LRPPRC: variants seen among roughly 807,000 people sequenced by gnomAD.
LRPPRC encodes leucine rich pentatricopeptide repeat containing.
In LRPPRC, 120 loss-of-function variants were observed where a neutral mutation model predicts 180.3. That is an observed-to-expected ratio of 0.67 (90% CI 0.57 to 0.77). The LOEUF is 0.77. LRPPRC is among the 30% of genes least tolerant of loss of function. LRPPRC has a pLI of 0.00. For missense variants in LRPPRC, 2,012 were observed against 1,657.2 expected (o/e 1.21, Z -3.72); for synonymous variants, 723 against 600.0 (o/e 1.21, Z -3.00).
intron 30 of LRPPRC, 88 bp downstream of exon 30, chr2:43,912,344 A>G: frequency 8.1e-7 from 1 of 1,227,478 alleles, no homozygotes; most frequent in Admixed American, 1.7e-5. Context: ...CAATTTTACT[A>G]CACAGCACAT....
chr2:43,925,804 CG>C (rs1240326141), intron 26 of LRPPRC, 88 bp downstream of exon 26: 4 of 852,346 alleles, frequency 4.7e-6, no homozygotes, highest in Non-Finnish European at 8.2e-6. Flanking sequence ...CCCTGTCTCT[CG>C]AAGTCCCCAA....
intron 27 of LRPPRC, among the ~76,000 whole-genome samples, chr2:43,923,865 G>A (rs1258955896): frequency 2.0e-5 from 3 of 152,120 alleles, no homozygotes; most frequent in African/African-American, 7.2e-5. Context: ...TAGGTAGAGT[G>A]GAATGTTAGT....
intron 1 of LRPPRC, among the ~76,000 whole-genome samples, chr2:43,983,944 A>C (rs7570636): frequency 0.2 from 31,167 of 152,100 alleles, 3,983 homozygotes; most frequent in African/African-American, 0.35. Context: ...ATAATGGAAA[A>C]AATCAAGATA....
upstream of LRPPRC, chr2:43,996,017 A>C (rs1414923483): frequency 1.3e-6 from 2 of 1,488,876 alleles, no homozygotes; most frequent in African/African-American, 2.9e-5. Context: ...ACCGCAGGGT[A>C]GCCTGGCGCG....
At chr2:43,905,385 C>T (rs1040020089) in intron 31 of LRPPRC, among the ~76,000 whole-genome samples, 16 of 152,122 alleles carry the variant, frequency 1.1e-4, no homozygotes. Flanking sequence ...CACTTGAAAG[C>T]CTGTACTTTC....
At chr2:43,918,798 T>TATATAG (rs1558938195) in intron 27 of LRPPRC, among the ~76,000 whole-genome samples, 4 of 136,388 alleles carry the variant, frequency 2.9e-5, no homozygotes, top group African/African-American at 1.3e-4. Flanking sequence ...TATAGATATA[T>TATATAG]ATATATATAT....
At chr2:43,986,346 T>G (rs1674525806) in intron 1 of LRPPRC, among the ~76,000 whole-genome samples, 1 of 152,114 alleles carries the variant, frequency 6.6e-6, no homozygotes, top group Admixed American at 6.5e-5. Context: ...GCCAGGCTGG[T>G]CTCAAACTCC....
At chr2:43,936,892 T>A (rs933081129) in intron 23 of LRPPRC, among the ~76,000 whole-genome samples, 7 of 152,220 alleles carry the variant, frequency 4.6e-5, no homozygotes, top group Non-Finnish European at 8.8e-5. Flanking sequence ...TAAAGCTTTA[T>A]ATAATCAGTA....
chr2:43,909,233 T>C (rs1017768977), intron 30 of LRPPRC, among the ~76,000 whole-genome samples: 1 of 152,242 alleles, frequency 6.6e-6, no homozygotes, highest in Non-Finnish European at 1.5e-5. Context: ...TAGTTAGATA[T>C]AACATTTTAT....
chr2:43,958,819 T>A (rs935063152), intron 13 of LRPPRC, among the ~76,000 whole-genome samples: 4 of 152,164 alleles, frequency 2.6e-5, no homozygotes, highest in African/African-American at 7.2e-5. Flanking sequence ...CCAGCAATCA[T>A]AGAACGAACC....
intron 30 of LRPPRC, among the ~76,000 whole-genome samples, chr2:43,909,029 G>A (rs1381172145): frequency 1.3e-5 from 2 of 152,180 alleles, no homozygotes; most frequent in African/African-American, 4.8e-5. Flanking sequence ...TCTGATCACT[G>A]ATACAGAATG....
chr2:43,912,261 T>G (rs1442288207), intron 30 of LRPPRC, among the ~76,000 whole-genome samples, 171 bp downstream of exon 30: 1 of 152,206 alleles, frequency 6.6e-6, no homozygotes, highest in Non-Finnish European at 1.5e-5. Flanking sequence ...TGTTTTTTTT[T>G]GAAGGTGAAA....
At chr2:43,890,738 A>G (rs1320697938) in intron 36 of LRPPRC, among the ~76,000 whole-genome samples, 1 of 152,188 alleles carries the variant, frequency 6.6e-6, no homozygotes, top group Non-Finnish European at 1.5e-5. Context: ...AGCAAAACCT[A>G]TAAGGAGACA....
chr2:43,929,671 T>A (rs192494987), intron 25 of LRPPRC, among the ~76,000 whole-genome samples: 1 of 152,162 alleles, frequency 6.6e-6, no homozygotes, highest in African/African-American at 2.4e-5. Flanking sequence ...ACTATATTTA[T>A]CCCCATAGCT....
At chr2:43,909,678 GA>G (rs1671189673) in intron 30 of LRPPRC, among the ~76,000 whole-genome samples, 1 of 151,532 alleles carries the variant, frequency 6.6e-6, no homozygotes, top group Admixed American at 6.6e-5. Flanking sequence ...TCTGGAAGGG[GA>G]AGGATATGTT....
intron 1 of LRPPRC, among the ~76,000 whole-genome samples, chr2:43,995,246 G>T (rs771345726): frequency 6.6e-6 from 1 of 152,138 alleles, no homozygotes; most frequent in Admixed American, 6.5e-5. Flanking sequence ...AAATGCTGAA[G>T]GAAAACTCCA....
At chr2:43,959,255 A>G in intron 13 of LRPPRC, 1 of 711,792 alleles carries the variant, frequency 1.4e-6, no homozygotes, top group Non-Finnish European at 2.6e-6. Flanking sequence ...CAAAATCAAT[A>G]CACTCAGATA....
chr2:43,984,331 A>G (rs1559060487), intron 1 of LRPPRC, among the ~76,000 whole-genome samples: 2 of 152,226 alleles, frequency 1.3e-5, no homozygotes, highest in East Asian at 3.8e-4. Context: ...ATAAACTGTT[A>G]AAGAGCAAAA....
At chr2:43,925,199 G>T in intron 26 of LRPPRC, 42 bp from the exon 27 acceptor site, 1 of 1,002,586 alleles carries the variant, frequency 1.0e-6, no homozygotes, top group South Asian at 1.3e-5. Flanking sequence ...TTGTGTAAAG[G>T]ATGTATTTTA....
Sources: gnomAD v4.1 joint callset for allele counts (sites outside exome capture counted in the v4.1 genomes callset) on GRCh38, gnomAD v4.1.1 for gene constraint, MANE v1.5 for transcripts, NCBI Gene and HGNC (gene_info 2026-07-23, HGNC 2026-07-21) for gene names.